GOLGA3: variants seen among roughly 807,000 people sequenced by gnomAD.
GOLGA3 encodes golgin subfamily A member 3.
GOLGA3 carries 75 observed loss-of-function variants against 169.4 expected under a neutral mutation model. That is an observed-to-expected ratio of 0.44 (90% CI 0.37 to 0.54). The LOEUF (loss-of-function observed/expected upper bound fraction) is 0.54, where lower values mean the gene tolerates loss of function less well. Ranked by LOEUF, GOLGA3 falls within the 20% of genes least tolerant of loss-of-function variation. The probability of loss-of-function intolerance (pLI) is 0.00; values close to 1 mark genes in which losing one functional copy is unlikely to be tolerated. For synonymous variants in GOLGA3, 824 were observed against 822.4 expected, an observed-to-expected ratio of 1.00 and a Z score of -0.03; for missense variants, 1,899 against 1,930.0, an observed-to-expected ratio of 0.98 and a Z score of 0.30.
At chr12:132,782,586 G>A (rs997652492) in intron 16 of GOLGA3, 93 bp from the exon 17 acceptor site, 23 of 1,009,234 alleles carry the variant, frequency 2.3e-5, no homozygotes, top group African/African-American at 7.9e-5. Flanking sequence ...AAGAAACAGC[G>A]AAAACTTAGG....
At chr12:132,802,044 C>A in intron 7 of GOLGA3, 75 bp from the exon 8 acceptor site, 1 of 1,168,690 alleles carries the variant, frequency 8.6e-7, no homozygotes, top group Admixed American at 2.0e-5. Context: ...GCGTGCGGGA[C>A]ACAAGGCGGG....
rs951228516 is a variant in GOLGA3 at position 132,768,965 on chromosome 12, A to G, written c.*4140T>C. 6.5e-6 allele frequency: 1 copy of G among 152,680 alleles called. No homozygotes were observed. Among genetic ancestry groups the G allele is most frequent in the Non-Finnish European group, 1.5e-5 (1 of 68,042 alleles). The allele number at this position is 152,680 out of a possible 1,614,324, so 9.5% of individuals were successfully genotyped here. ...CAAAATTTAAGGAATTCCCAAGCAC[A>G]CTTACATTTGTAAAAAATCAACGTG... On this transcript the variant is annotated 3_prime_UTR_variant, in exon 24 of 24. Transcript: ENST00000450791.
chr12:132,801,611 G>A (rs1199820549), intron 8 of GOLGA3, among the ~76,000 whole-genome samples, 156 bp downstream of exon 8: 3 of 152,096 alleles, frequency 2.0e-5, no homozygotes, highest in Non-Finnish European at 2.9e-5. Context: ...TCCTGCATAC[G>A]ACACGTCCTA....
chr12:132,826,261 A>C (rs1193441428), intron 1 of GOLGA3: 4 of 1,174,238 alleles, frequency 3.4e-6, no homozygotes, highest in East Asian at 2.5e-5. Context: ...AAAAAAAAGA[A>C]ACTGGAAGAG....
chr12:132,786,985 ACT>A lies in GOLGA3; in HGVS notation c.2812-200_2812-199del, dbSNP rs1347834397. On this transcript the variant is annotated intron_variant, in intron 13 of 23. Transcript: ENST00000450791. ...TTTTTTTTTATTGAGATGGAGTCTC[ACT>A]CTGTCACCCAGGCTGGAGTGCAGGG... Among the ~76,000 whole-genome samples, 12 of 149,954 alleles carry A rather than the reference ACT, an allele frequency of 8.0e-5. No individual in the cohort carries two copies. In the East Asian group the frequency reaches 2.2e-3, roughly 27 times the overall value.
intron 7 of GOLGA3, among the ~76,000 whole-genome samples, chr12:132,803,045 A>C (rs1305564755): frequency 6.7e-6 from 1 of 149,858 alleles, no homozygotes. Flanking sequence ...ACAAGAGTGA[A>C]ACTCCGTCTC....
chr12:132,828,165 C>A (rs1283453408), intron 1 of GOLGA3, among the ~76,000 whole-genome samples: 1 of 152,160 alleles, frequency 6.6e-6, no homozygotes, highest in African/African-American at 2.4e-5. Context: ...CGCCCGCCCC[C>A]CAGGCTCCCA....
intron 6 of GOLGA3, among the ~76,000 whole-genome samples, chr12:132,806,917 T>C (rs982181240): frequency 7.2e-5 from 11 of 151,866 alleles, no homozygotes; most frequent in Admixed American, 2.0e-4. Flanking sequence ...TCTTATGGAC[T>C]GTGAGACACC....
At chr12:132,780,502 C>G (rs1235464284) in intron 18 of GOLGA3, among the ~76,000 whole-genome samples, 1 of 152,252 alleles carries the variant, frequency 6.6e-6, no homozygotes, top group East Asian at 1.9e-4. Context: ...ATGCTATTCT[C>G]AAGTTTGCTT....
intron 7 of GOLGA3, among the ~76,000 whole-genome samples, chr12:132,803,026 G>T (rs1361543597): frequency 2.0e-5 from 3 of 152,122 alleles, no homozygotes; most frequent in Non-Finnish European, 4.4e-5. Flanking sequence ...TTGCACTCCA[G>T]CCTGGGCAAC....
intron 13 of GOLGA3, among the ~76,000 whole-genome samples, chr12:132,788,446 G>A (rs576953794): frequency 5.3e-5 from 8 of 152,118 alleles, no homozygotes; most frequent in South Asian, 4.2e-4. Context: ...TGCGGCCTCC[G>A]TCCCCCGCCT....
At chr12:132,782,950 T>C (rs944612901) in intron 16 of GOLGA3, among the ~76,000 whole-genome samples, 1 of 151,216 alleles carries the variant, frequency 6.6e-6, no homozygotes, top group African/African-American at 2.4e-5. Context: ...CTGGACGCAG[T>C]GACTCACACC....
At position 132,777,790 on chromosome 12, in the gene GOLGA3, C is replaced by T. The variant is rs1566070427; in HGVS notation, c.3598G>A (p.Val1200Met). 6.2e-7 allele frequency: 1 copy of T among 1,613,604 alleles called. No individual in the cohort carries two copies. The highest frequency in any genetic ancestry group is 8.5e-7 in the Non-Finnish European group (1 of 1,179,882). Reference sequence around the variant, plus strand: ...TGGCGGCGGTTATGCCCGGCTTCCACCTTGGCAGCAGCCACCTAGGAGGAA... The same window carrying T: ...TGGCGGCGGTTATGCCCGGCTTCCATCTTGGCAGCAGCCACCTAGGAGGAA... The part of the protein sequence containing the change: ...SLKEQVAAAK[V>M]EAGHNRRHFK... Residue 1200 changes from valine to methionine, a missense_variant, in exon 19 of 24, where the codon GTG becomes ATG. Coordinates refer to ENST00000450791, the MANE Select transcript of GOLGA3 (RefSeq NM_001389683.1). This position sits in a 1 kb window ranked among gnomAD's most constrained non-coding sequence, Gnocchi z 4.7.
At chr12:132,810,016 G>A (rs775820256) in intron 4 of GOLGA3, among the ~76,000 whole-genome samples, 2 of 152,040 alleles carry the variant, frequency 1.3e-5, no homozygotes, top group East Asian at 1.9e-4. Flanking sequence ...AGGCTGAGGC[G>A]GGCAGATCAT....
intron 22 of GOLGA3, 25 bp downstream of exon 22, chr12:132,775,116 C>A: frequency 6.2e-7 from 1 of 1,605,458 alleles, no homozygotes. Context: ...GTCGGCTACC[C>A]CGGGAGGGAC....
chr12:132,784,968 C>T (rs2045823452), intron 15 of GOLGA3, among the ~76,000 whole-genome samples: 2 of 152,256 alleles, frequency 1.3e-5, no homozygotes, highest in South Asian at 4.1e-4. Context: ...CCACTTGCTG[C>T]CTCGATGGTA....
chr12:132,814,814 TAAAATATC>T (rs1226911032), intron 3 of GOLGA3, among the ~76,000 whole-genome samples: 1 of 152,196 alleles, frequency 6.6e-6, no homozygotes, highest in Non-Finnish European at 1.5e-5. Context: ...AACCAGAATT[TAAAATATC>T]TAAAACCCAG....
intron 1 of GOLGA3, among the ~76,000 whole-genome samples, chr12:132,826,541 T>C (rs1950423118): frequency 6.6e-6 from 1 of 151,094 alleles, no homozygotes; most frequent in African/African-American, 2.4e-5. Context: ...CAATCACAGA[T>C]TCTGCTCACT....
In GOLGA3 at chr12:132,807,994, G is replaced by A; in HGVS notation, c.1075C>T (p.Pro359Ser). 1.2e-6 allele frequency: 2 copies of A among 1,613,260 alleles called. No individual in the cohort carries two copies. Among genetic ancestry groups the A allele is most frequent in the Non-Finnish European group, 1.7e-6 (2 of 1,179,622 alleles). The change falls in exon 5 of 24, where the codon CCC (proline) becomes TCC (serine). Residue 359 changes from proline to serine, a missense_variant. Pro to Ser is a moderately conservative substitution (Grantham distance 74). Coordinates refer to ENST00000450791, the MANE Select transcript of GOLGA3 (RefSeq NM_001389683.1). ...EIPADTLGQF[P>S]SIKDVLQAAA... ...GCCTGGAGGACGTCCTTAATGGAGG[G>A]GAACTGGCCCAGGGTATCCGCAGGA...
Sources: allele counts gnomAD v4.1 joint callset (sites outside exome capture counted in the v4.1 genomes callset), GRCh38; gene constraint gnomAD v4.1.1; non-coding constraint Gnocchi (gnomAD v3.1); transcripts MANE v1.5; gene names NCBI Gene and HGNC (gene_info 2026-07-23, HGNC 2026-07-21).